GRAP2: variants seen among roughly 807,000 people sequenced by gnomAD.
The protein encoded by GRAP2 is GRB2-related adapter protein 2.
A neutral mutation model predicts 43.5 loss-of-function variants in GRAP2; 31 were observed. The observed-to-expected ratio is 0.71, with a 90% CI of 0.54 to 0.96. GRAP2 has a LOEUF of 0.96. GRAP2 is among the 40% of genes least tolerant of loss of function. GRAP2 has a pLI of 0.00. For missense variants in GRAP2, 371 were observed against 424.4 expected, an observed-to-expected ratio of 0.87 and a Z score of 1.11; for synonymous variants, 156 against 164.8, an observed-to-expected ratio of 0.95 and a Z score of 0.41.
intron 1 of GRAP2, among the ~76,000 whole-genome samples, chr22:39,942,997 C>T (rs912673070): frequency 1.3e-5 from 2 of 149,918 alleles, no homozygotes; most frequent in East Asian, 1.9e-4. Flanking sequence ...GACCTGTCTC[C>T]TTCTCTCACT....
the GRAP2 span, among the ~76,000 whole-genome samples, chr22:39,895,435 G>A: frequency 6.6e-6 from 1 of 152,156 alleles, no homozygotes; most frequent in Non-Finnish European, 1.5e-5. Context: ...GTAATGGGGT[G>A]GGAGCCAGAG....
At chr22:39,956,483 T>G (rs1017067360) in intron 3 of GRAP2, among the ~76,000 whole-genome samples, 4 of 150,864 alleles carry the variant, frequency 2.7e-5, no homozygotes, top group Admixed American at 6.6e-5. Flanking sequence ...TTTTTTTGGG[T>G]TTTTTTATTC....
chr22:39,911,542 G>C (rs2066566522), intron 1 of GRAP2, among the ~76,000 whole-genome samples: 1 of 151,966 alleles, frequency 6.6e-6, no homozygotes, highest in East Asian at 1.9e-4. Flanking sequence ...CCAGCGCAGA[G>C]AGCTCACAGG....
intron 1 of GRAP2, among the ~76,000 whole-genome samples, chr22:39,935,634 G>T (rs1428579978): frequency 6.6e-6 from 1 of 152,140 alleles, no homozygotes; most frequent in African/African-American, 2.4e-5. Context: ...TTCTGGGATA[G>T]ACTTATCGAA....
intron 1 of GRAP2, among the ~76,000 whole-genome samples, chr22:39,912,840 A>G (rs897155120): frequency 3.3e-5 from 5 of 151,990 alleles, no homozygotes; most frequent in African/African-American, 1.2e-4. Context: ...AGATGAAAGG[A>G]GACATCTAGG....
upstream of GRAP2, among the ~76,000 whole-genome samples, chr22:39,900,374 A>G (rs137959): frequency 0.3 from 45,610 of 152,064 alleles, 8,288 homozygotes; most frequent in African/African-American, 0.51. Context: ...GCAAGTAGCA[A>G]TGTCTCTAAT....
At chr22:39,944,493 A>G (rs1239509403) in intron 1 of GRAP2, among the ~76,000 whole-genome samples, 1 of 152,218 alleles carries the variant, frequency 6.6e-6, no homozygotes, top group Non-Finnish European at 1.5e-5. Context: ...AAATGGGAGC[A>G]AACAAATTTT....
At chr22:39,932,465 C>T (rs1465559663) in intron 1 of GRAP2, among the ~76,000 whole-genome samples, 21 of 143,470 alleles carry the variant, frequency 1.5e-4, no homozygotes, top group Non-Finnish European at 2.5e-4. Flanking sequence ...AATCCCAGCA[C>T]TTTGGGAGGC....
chr22:39,917,212 A>T (rs73163089), intron 1 of GRAP2, among the ~76,000 whole-genome samples: 5 of 152,304 alleles, frequency 3.3e-5, no homozygotes, highest in Non-Finnish European at 5.9e-5. Flanking sequence ...CTGTGTTGTT[A>T]CTGTAACAGA....
upstream of GRAP2, among the ~76,000 whole-genome samples, chr22:39,899,518 C>T (rs2066479803): frequency 6.6e-6 from 1 of 152,098 alleles, no homozygotes. Context: ...CCTTAGAAGG[C>T]TGAATAATTC....
rs1569207663 is a variant in GRAP2 at position 39,947,127 on chromosome 22, T to G, written c.21T>G (p.Phe7Leu). ...ACAGCATGGAAGCTGTTGCCAAGTT[T>G]GATTTCACTGCTTCAGGTGAGGATG... is the stretch of plus-strand genomic sequence containing the variant. MEAVAK[F>L]DFTASGEDEL... Residue 7 changes from phenylalanine (F) to leucine (L), a missense_variant, in exon 2 of 8, where the codon TTT becomes TTG. By Grantham distance (22) the Phe-to-Leu change is conservative. Coordinates refer to ENST00000344138, the MANE Select transcript of GRAP2 (RefSeq NM_004810.4). 6.2e-7 allele frequency: 1 copy of G among 1,606,012 alleles called. No homozygotes were observed. The highest frequency in any genetic ancestry group is 8.5e-7 in the Non-Finnish European group (1 of 1,172,552).
rs2067240289 is a variant in GRAP2 at position 39,971,268 on chromosome 22, C to T, written c.*184C>T. ...GGTAATTAGTTGATGCAAAAGGGAACTCAGGTGGAGAATAATATTGACACT... is the reference window on the plus strand; with the variant it reads ...GGTAATTAGTTGATGCAAAAGGGAATTCAGGTGGAGAATAATATTGACACT... On this transcript the variant is annotated 3_prime_UTR_variant, in exon 8 of 8. Transcript: ENST00000344138. 8 of 547,856 alleles carry T rather than the reference C, an allele frequency of 1.5e-5. No homozygotes were observed. Among genetic ancestry groups the T allele is most frequent in the East Asian group, 3.3e-5 (1 of 30,344 alleles). 33.9% of individuals were successfully genotyped at this position (547,856 alleles called of 1,614,324 possible).
rs145272926 is a variant in GRAP2 at position 39,924,936 on chromosome 22, A to G, written c.-14-22157A>G. Among the ~76,000 whole-genome samples, 465 of 152,314 alleles carry G rather than the reference A, an allele frequency of 3.1e-3. 4 individuals are homozygous for G. The highest frequency in any genetic ancestry group is 0.011 in the African/African-American group (446 of 41,558). ...TTCAGAAGAGGACAGGAGTAACAAGACAGTAATCCTAAAGGAGATGGACTT... is the reference window on the plus strand; with the variant it reads ...TTCAGAAGAGGACAGGAGTAACAAGGCAGTAATCCTAAAGGAGATGGACTT... On this transcript the variant is annotated intron_variant, in intron 1 of 7. Coordinates refer to ENST00000344138, the MANE Select transcript of GRAP2 (RefSeq NM_004810.4).
rs761669779 is a variant in GRAP2, at chr22:39,955,906, C to G, written c.166C>G (p.Pro56Ala). 2 of 1,477,134 alleles carry G rather than the reference C, an allele frequency of 1.4e-6. No homozygotes were observed. Among genetic ancestry groups the G allele is most frequent in the Admixed American group, 3.3e-5 (2 of 59,850 alleles). 91.5% of individuals were successfully genotyped at this position (1,477,134 alleles called of 1,614,324 possible). A position where few individuals can be genotyped will look rare whatever the true frequency, so the allele number is the denominator to read the frequency against. Reference protein sequence around the residue: ...VPKNFIDIQFPKWFHEGLSRH... With the variant: ...VPKNFIDIQFAKWFHEGLSRH... The stretch of plus-strand genomic sequence containing the variant: ...CAAGAATTTCATAGACATCCAGTTT[C>G]CCAAGTAAGTATCTGCAGCCTGCTG... The change falls in exon 3 of 8, where the codon CCC becomes GCC. Residue 56 changes from proline to alanine, a missense_variant. Transcript: ENST00000344138.
intron 4 of GRAP2, chr22:39,964,616 AT>A: frequency 1.4e-6 from 1 of 709,784 alleles, no homozygotes. Context: ...TTTCATCCGT[AT>A]TTAAACCTCT....
chr22:39,952,061 C>T (rs1320894050), intron 2 of GRAP2, among the ~76,000 whole-genome samples: 1 of 143,166 alleles, frequency 7.0e-6, no homozygotes, highest in Non-Finnish European at 1.5e-5. Flanking sequence ...GAGTCTTGCT[C>T]TGTTGCCCAG....
chr22:39,918,843 A>G (rs1200674262), intron 1 of GRAP2, among the ~76,000 whole-genome samples: 1 of 152,248 alleles, frequency 6.6e-6, no homozygotes, highest in South Asian at 2.1e-4. Context: ...AAAGTCTGAG[A>G]GGTAAAAGAG....
chr22:39,924,390 G>A (rs1010543784), intron 1 of GRAP2, among the ~76,000 whole-genome samples: 6 of 152,124 alleles, frequency 3.9e-5, no homozygotes, highest in Admixed American at 2.6e-4. Context: ...TGAGTTTTAC[G>A]CAGTAGGCTC....
At chr22:39,916,845 A>G (rs1455071873) in intron 1 of GRAP2, among the ~76,000 whole-genome samples, 2 of 152,102 alleles carry the variant, frequency 1.3e-5, no homozygotes, top group East Asian at 3.8e-4. Flanking sequence ...AGCAGAAATG[A>G]TTTATTTGAT....
Sources: gnomAD v4.1 joint callset for allele counts (sites outside exome capture counted in the v4.1 genomes callset) on GRCh38, gnomAD v4.1.1 for gene constraint, MANE v1.5 for transcripts, NCBI Gene and HGNC (gene_info 2026-07-23, HGNC 2026-07-21) for gene names.